Variants in SYT2 observed in about 807,000 individuals in gnomAD.
The protein encoded by SYT2 is synaptotagmin-2.
Under a neutral mutation model 39.9 loss-of-function variants are expected in SYT2, and 15 were observed. The ratio of observed to expected loss-of-function variants is 0.38; its 90% CI spans 0.25 to 0.58. The LOEUF is 0.58. SYT2 is among the 20% of genes least tolerant of loss of function. The pLI is 0.70. For synonymous variants in SYT2, 181 were observed against 204.5 expected, an observed-to-expected ratio of 0.89 and a Z score of 0.98; for missense variants, 389 against 530.3, an observed-to-expected ratio of 0.73 and a Z score of 2.62.
chr1:202,704,244 TC>T (rs1474663622), intron 1 of SYT2, among the ~76,000 whole-genome samples: 1 of 152,054 alleles, frequency 6.6e-6, no homozygotes, highest in African/African-American at 2.4e-5. Context: ...CCATCAATGC[TC>T]CCAGCTTCAG....
At chr1:202,607,073 G>C (rs1441764133) in intron 1 of SYT2, among the ~76,000 whole-genome samples, 1 of 151,934 alleles carries the variant, frequency 6.6e-6, no homozygotes, top group Non-Finnish European at 1.5e-5. Context: ...CATAAATGTT[G>C]GTCTTCATTT....
At chr1:202,604,653 A>C in intron 2 of SYT2, 32 bp from the exon 3 acceptor site, 1 of 1,604,982 alleles carries the variant, frequency 6.2e-7, no homozygotes, top group Non-Finnish European at 8.5e-7. Flanking sequence ...CAGGGTCAGC[A>C]GTGCCATGCC....
intron 1 of SYT2, among the ~76,000 whole-genome samples, chr1:202,638,603 G>C (rs1691813058): frequency 6.6e-6 from 1 of 152,210 alleles, no homozygotes; most frequent in South Asian, 2.1e-4. Context: ...CAGGAGGATG[G>C]TGCCTGCAAA....
intron 1 of SYT2, among the ~76,000 whole-genome samples, chr1:202,704,973 A>T (rs564896089): frequency 6.6e-6 from 1 of 152,212 alleles, no homozygotes; most frequent in African/African-American, 2.4e-5. Flanking sequence ...ATCACTGCCT[A>T]ATTTTTGTAA....
At chr1:202,693,228 A>C (rs4362037) in intron 1 of SYT2, among the ~76,000 whole-genome samples, 45,631 of 152,072 alleles carry the variant, frequency 0.3, 7,107 homozygotes, top group South Asian at 0.43. Context: ...CAGAATTGCA[A>C]GGGTGCTACG....
In SYT2 at chr1:202,596,300, C is replaced by CACACAT. The variant is rs1553333851; in HGVS notation, c.*456_*457insATGTGT. 1,078 of 69,386 alleles carry CACACAT rather than the reference C, an allele frequency of 0.016. 2 individuals are homozygous for CACACAT. Among genetic ancestry groups the CACACAT allele is most frequent in the African/African-American group, 0.04 (594 of 14,936 alleles). 4.3% of individuals were successfully genotyped at this position (69,386 alleles called of 1,614,324 possible). A position where few individuals can be genotyped will look rare whatever the true frequency, so the allele number is the denominator to read the frequency against. ...ACACACACACACACACACACACACA[C>CACACAT]ACACACATACACACACACACACACA... On this transcript the variant is annotated 3_prime_UTR_variant, in exon 9 of 9. Coordinates refer to ENST00000367268, the MANE Select transcript of SYT2 (RefSeq NM_177402.5).
At chr1:202,606,718 T>A (rs1690719984) in intron 1 of SYT2, among the ~76,000 whole-genome samples, 1 of 152,088 alleles carries the variant, frequency 6.6e-6, no homozygotes, top group Non-Finnish European at 1.5e-5. Flanking sequence ...CCTTCCCGCA[T>A]CAAAGATGTG....
chr1:202,599,382 G>A lies in SYT2; in HGVS notation c.920-31C>T, dbSNP rs1234341613. The A allele has an allele frequency of 1.3e-6, 2 of 1,565,144 alleles. No homozygotes were observed. The highest frequency in any genetic ancestry group is 2.1e-5 in the Admixed American group (1 of 48,510). On this transcript the variant is annotated intron_variant, in intron 7 of 8. Coordinates refer to ENST00000367268, the MANE Select transcript of SYT2 (RefSeq NM_177402.5). The surrounding 1 kb of genome is among the most constrained non-coding windows in gnomAD (Gnocchi z 4.4). ...GAGGGAGAATCCCAACCCCAGAGAG[G>A]TTCCCCTTAGCCCCCAGCCTTCCTG...
intron 1 of SYT2, among the ~76,000 whole-genome samples, chr1:202,685,078 C>A (rs989990268): frequency 6.6e-6 from 1 of 152,172 alleles, no homozygotes; most frequent in Non-Finnish European, 1.5e-5. Flanking sequence ...CAGTGGTCGC[C>A]TGTGAGGGGA....
At chr1:202,640,775 A>G (rs912297470) in intron 1 of SYT2, among the ~76,000 whole-genome samples, 1 of 150,116 alleles carries the variant, frequency 6.7e-6, no homozygotes, top group Non-Finnish European at 1.5e-5. Flanking sequence ...AGAGAGAGAG[A>G]GAGAGAGAGA....
chr1:202,616,666 A>T (rs1035382268), intron 1 of SYT2, among the ~76,000 whole-genome samples: 45 of 152,096 alleles, frequency 3.0e-4, no homozygotes, highest in African/African-American at 1.0e-3. Context: ...CCCAGGGCGC[A>T]TTTTCATTTT....
At chr1:202,700,181 G>C (rs965708171) in intron 1 of SYT2, among the ~76,000 whole-genome samples, 5 of 152,126 alleles carry the variant, frequency 3.3e-5, no homozygotes, top group Admixed American at 6.5e-5. Context: ...AGGCCACCTG[G>C]AAGCCAGGGG....
chr1:202,637,976 A>T lies in SYT2; in HGVS notation c.-17-32187T>A, dbSNP rs569312899. On this transcript the variant is annotated intron_variant, in intron 1 of 8. Coordinates refer to ENST00000367268, the MANE Select transcript of SYT2 (RefSeq NM_177402.5). ...AGGGAGTCCGGTGGATCAACTCCCA[A>T]GGTTTTCCACCTAGCAGATTTGCCA... is the stretch of plus-strand genomic sequence containing the variant. Among the ~76,000 whole-genome samples, 496 of 152,352 alleles carry T rather than the reference A, an allele frequency of 3.3e-3. 4 individuals are homozygous for T. Among genetic ancestry groups the T allele is most frequent in the African/African-American group, 0.011 (478 of 41,580 alleles).
intron 1 of SYT2, among the ~76,000 whole-genome samples, chr1:202,612,619 G>A (rs1462188725): frequency 1.3e-5 from 2 of 152,148 alleles, no homozygotes; most frequent in African/African-American, 4.8e-5. Context: ...CACCTGCCTT[G>A]GCTTCCCAAA....
intron 3 of SYT2, 49 bp from the exon 4 acceptor site, chr1:202,603,167 G>C (rs1485892835): frequency 6.2e-7 from 1 of 1,610,190 alleles, no homozygotes; most frequent in Non-Finnish European, 8.5e-7. Context: ...GGAGGACCGA[G>C]AAGTCTGGCT....
At chr1:202,615,863 C>T (rs1691017598) in intron 1 of SYT2, among the ~76,000 whole-genome samples, 1 of 152,188 alleles carries the variant, frequency 6.6e-6, no homozygotes, top group South Asian at 2.1e-4. Flanking sequence ...CCACCATGGT[C>T]CGTGGTGCCT....
At chr1:202,665,486 G>C (rs1484775504) in intron 1 of SYT2, among the ~76,000 whole-genome samples, 1 of 152,194 alleles carries the variant, frequency 6.6e-6, no homozygotes, top group Non-Finnish European at 1.5e-5. Flanking sequence ...CTGGACTAAA[G>C]CAACCAAGGG....
intron 1 of SYT2, among the ~76,000 whole-genome samples, chr1:202,624,757 TGTGTGTG>T: frequency 9.7e-6 from 1 of 103,582 alleles, no homozygotes; most frequent in Middle Eastern, 6.8e-3. Context: ...GGGTGTGTGG[TGTGTGTG>T]TGGTGTGTGG....
chr1:202,644,207 A>T (rs1412728356), intron 1 of SYT2, among the ~76,000 whole-genome samples: 2 of 151,834 alleles, frequency 1.3e-5, no homozygotes. Context: ...AGAAAGGGCG[A>T]TGGAGGGGTA....
Sources: allele counts gnomAD v4.1 joint callset (sites outside exome capture counted in the v4.1 genomes callset), GRCh38; gene constraint gnomAD v4.1.1; non-coding constraint Gnocchi (gnomAD v3.1); transcripts MANE v1.5; gene names NCBI Gene and HGNC (gene_info 2026-07-23, HGNC 2026-07-21).